MARCHF11: variants seen among roughly 807,000 people sequenced by gnomAD.
The protein encoded by MARCHF11 is membrane associated ring-CH-type finger 11.
Under a neutral mutation model 37.3 loss-of-function variants are expected in MARCHF11, and 29 were observed. That is an observed-to-expected ratio of 0.78 (90% CI 0.58 to 1.06). The LOEUF is 1.06. MARCHF11 is among the 50% of genes least tolerant of loss of function. The probability of loss-of-function intolerance (pLI) is 0.00; values close to 1 mark genes in which losing one functional copy is unlikely to be tolerated. For missense variants in MARCHF11, 482 were observed against 533.4 expected (o/e 0.90, Z 0.95); for synonymous variants, 233 against 228.0 (o/e 1.02, Z -0.20).
In MARCHF11 at chr5:16,134,998, T is replaced by TCTCACACA. The variant is rs137865822; in HGVS notation, c.693+42727_693+42728insTGTGTGAG. 6.4e-3 allele frequency among the ~76,000 whole-genome samples: 924 copies of TCTCACACA among 143,780 alleles called. 7 individuals carry two copies. Among genetic ancestry groups the TCTCACACA allele is most frequent in the African/African-American group, 0.013 (524 of 38,864 alleles). 94.3% of individuals were successfully genotyped at this position (143,780 alleles called of 152,430 possible). A position where few individuals can be genotyped will look rare whatever the true frequency, so the allele number is the denominator to read the frequency against. On this transcript the variant is annotated intron_variant, in intron 2 of 3. Coordinates refer to ENST00000332432, the MANE Select transcript of MARCHF11 (RefSeq NM_001102562.3). Reference sequence around the variant, plus strand: ...TGATTTCTCTCTCTCTCTCTCTCTCTCACACACACACACACACACACACAC... The same window carrying TCTCACACA: ...TGATTTCTCTCTCTCTCTCTCTCTCTCTCACACACACACACACACACACACACACACAC...
intron 3 of MARCHF11, among the ~76,000 whole-genome samples, chr5:16,072,315 T>C (rs1235330812): frequency 6.6e-6 from 1 of 152,050 alleles, no homozygotes; most frequent in East Asian, 1.9e-4. Context: ...TAAAAGAGGT[T>C]ACTATGGACT....
chr5:16,145,214 T>C (rs193070216), intron 2 of MARCHF11, among the ~76,000 whole-genome samples: 1 of 152,302 alleles, frequency 6.6e-6, no homozygotes, highest in Non-Finnish European at 1.5e-5. Flanking sequence ...CAAGATGCTA[T>C]GGTTTGAATG....
In MARCHF11 at chr5:16,124,045, C is replaced by A. The variant is rs140875104; in HGVS notation, c.694-32964G>T. Among the ~76,000 whole-genome samples the A allele has an allele frequency of 2.8e-4, 42 of 152,178 alleles. No individual in the cohort carries two copies. The East Asian group carries it at 8.1e-3, about 29-fold the overall frequency. Reference sequence around the variant, plus strand: ...TTTGTATGTTTACAAAGTTATCAAGCCGAAATCTTTAAAACAGGCTAATGT... The same window carrying A: ...TTTGTATGTTTACAAAGTTATCAAGACGAAATCTTTAAAACAGGCTAATGT... On this transcript the variant is annotated intron_variant, in intron 2 of 3. Transcript: ENST00000332432.
At chr5:16,130,602 A>T (rs1000125145) in intron 2 of MARCHF11, among the ~76,000 whole-genome samples, 1 of 152,196 alleles carries the variant, frequency 6.6e-6, no homozygotes, top group Non-Finnish European at 1.5e-5. Context: ...GATGGCATAC[A>T]TGAAAGGAGC....
intron 2 of MARCHF11, among the ~76,000 whole-genome samples, chr5:16,094,205 C>T (rs1258084170): frequency 1.3e-5 from 2 of 152,160 alleles, no homozygotes; most frequent in Non-Finnish European, 2.9e-5. Flanking sequence ...TGTTCTCATT[C>T]TTCCGCTAGA....
At chr5:16,168,486 C>T (rs560575400) in intron 2 of MARCHF11, among the ~76,000 whole-genome samples, 13 of 152,016 alleles carry the variant, frequency 8.6e-5, no homozygotes, top group Admixed American at 2.0e-4. Context: ...TTAATAGAAG[C>T]GATGGTAGTA....
At chr5:16,177,663 A>T (rs953628637) in intron 2 of MARCHF11, 63 bp downstream of exon 2, 13 of 1,376,034 alleles carry the variant, frequency 9.4e-6, no homozygotes, top group Non-Finnish European at 1.1e-5. Flanking sequence ...AGTAATAACT[A>T]AGCTTAAGTG....
At chr5:16,161,536 T>C (rs1738077290) in intron 2 of MARCHF11, among the ~76,000 whole-genome samples, 1 of 151,944 alleles carries the variant, frequency 6.6e-6, no homozygotes, top group Non-Finnish European at 1.5e-5. Flanking sequence ...TGTCTCCATA[T>C]TGTTAAAAGT....
rs987259962 is a variant in MARCHF11, at chr5:16,179,019, G to C, written c.537+20C>G. On this transcript the variant is annotated intron_variant, in intron 1 of 3. Coordinates refer to ENST00000332432, the MANE Select transcript of MARCHF11 (RefSeq NM_001102562.3). ...AGCTGGAGCCGCCACCGGCTGCCTC[G>C]GGGTCTCGCCGGGCCTTACCTGCTC... 3 of 1,428,210 alleles carry C rather than the reference G, an allele frequency of 2.1e-6. No individual in the cohort carries two copies. Among genetic ancestry groups the C allele is most frequent in the Non-Finnish European group, 1.8e-6 (2 of 1,094,464 alleles). 88.5% of individuals were successfully genotyped at this position (1,428,210 alleles called of 1,614,324 possible).
intron 2 of MARCHF11, among the ~76,000 whole-genome samples, chr5:16,113,684 T>C (rs761386083): frequency 6.6e-6 from 1 of 152,192 alleles, no homozygotes; most frequent in Non-Finnish European, 1.5e-5. Flanking sequence ...TTTATAGATA[T>C]ATATGGGGCA....
chr5:16,145,131 A>C (rs1033208874), intron 2 of MARCHF11, among the ~76,000 whole-genome samples: 3 of 152,216 alleles, frequency 2.0e-5, no homozygotes, highest in African/African-American at 7.2e-5. Context: ...AATTTCAAAA[A>C]GCAGATTATG....
chr5:16,164,120 G>T (rs147517170), intron 2 of MARCHF11, among the ~76,000 whole-genome samples: 3 of 152,128 alleles, frequency 2.0e-5, no homozygotes, highest in African/African-American at 7.2e-5. Flanking sequence ...TATCCAGTCT[G>T]GTGTAGTTTG....
intron 3 of MARCHF11, among the ~76,000 whole-genome samples, chr5:16,081,741 C>T (rs1050346866): frequency 1.3e-5 from 2 of 152,190 alleles, no homozygotes; most frequent in African/African-American, 4.8e-5. Context: ...CATATTTGGT[C>T]TGCTGTTCTG....
intron 2 of MARCHF11, among the ~76,000 whole-genome samples, chr5:16,137,694 A>G (rs1275989942): frequency 2.0e-5 from 3 of 152,116 alleles, no homozygotes; most frequent in Non-Finnish European, 1.5e-5. Flanking sequence ...GACTTATTGA[A>G]TTGTTTTGAC....
chr5:16,153,988 G>C (rs1382341772), intron 2 of MARCHF11, among the ~76,000 whole-genome samples: 5 of 151,890 alleles, frequency 3.3e-5, no homozygotes, highest in Non-Finnish European at 2.9e-5. Context: ...GATAAACTTA[G>C]GAATGGAGGC....
intron 2 of MARCHF11, among the ~76,000 whole-genome samples, chr5:16,130,819 G>C (rs562425422): frequency 6.6e-6 from 1 of 152,246 alleles, no homozygotes; most frequent in Non-Finnish European, 1.5e-5. Flanking sequence ...ATATGTTTAT[G>C]TAATTTTTAC....
At chr5:16,174,524 G>A (rs1738323421) in intron 2 of MARCHF11, among the ~76,000 whole-genome samples, 1 of 152,208 alleles carries the variant, frequency 6.6e-6, no homozygotes, top group Non-Finnish European at 1.5e-5. Context: ...GCTCACTGCA[G>A]CGTGTTTTCC....
At chr5:16,162,508 T>G (rs996492884) in intron 2 of MARCHF11, among the ~76,000 whole-genome samples, 1 of 152,052 alleles carries the variant, frequency 6.6e-6, no homozygotes, top group Non-Finnish European at 1.5e-5. Flanking sequence ...CATGGATTGG[T>G]AGCCTTCACT....
intron 2 of MARCHF11, among the ~76,000 whole-genome samples, chr5:16,106,026 A>G (rs148480931): frequency 9.3e-4 from 141 of 152,338 alleles, no homozygotes; most frequent in African/African-American, 3.3e-3. Context: ...ATGTCGAGCC[A>G]TAAACTGTGT....
Sources: gnomAD v4.1 joint callset for allele counts (sites outside exome capture counted in the v4.1 genomes callset) on GRCh38, gnomAD v4.1.1 for gene constraint, MANE v1.5 for transcripts, NCBI Gene and HGNC (gene_info 2026-07-23, HGNC 2026-07-21) for gene names.